PEX5: variants seen among roughly 807,000 people sequenced by gnomAD.
PEX5 encodes PTS1 receptor.
Under a neutral mutation model 82.9 loss-of-function variants are expected in PEX5, and 52 were observed. The observed-to-expected ratio is 0.63, with a 90% CI of 0.50 to 0.79. The LOEUF (loss-of-function observed/expected upper bound fraction) is 0.79. Ranked by LOEUF, PEX5 falls within the 30% of genes least tolerant of loss-of-function variation. The pLI is 0.00. For synonymous variants in PEX5, 300 were observed against 318.8 expected (o/e 0.94, Z 0.63); for missense variants, 719 against 815.2 (o/e 0.88, Z 1.44).
rs1038891242 is a variant in PEX5 at position 7,201,606 on chromosome 12, A to G, written c.552-145A>G. 24 of 712,210 alleles carry G rather than the reference A, an allele frequency of 3.4e-5. No individual in the cohort carries two copies. The Admixed American group carries it at 3.8e-4, about 11-fold the overall frequency. The allele number at this position is 712,210 out of a possible 1,614,324, so 44.1% of individuals were successfully genotyped here. A position where few individuals can be genotyped will look rare whatever the true frequency, so the allele number is the denominator to read the frequency against. ...CACACTCCTGCCCAAATGTCCTTCT[A>G]TAATGCAAATTGGAGTTTGTAGGTT... On this transcript the variant is annotated intron_variant, in intron 6 of 15. Coordinates refer to ENST00000675855, the MANE Select transcript of PEX5 (RefSeq NM_001351132.2).
Position 7,201,330 on chromosome 12 carries a change from C to CAT in PEX5, c.552-419_552-418dup, listed in dbSNP as rs1555178459. On this transcript the variant is annotated intron_variant, in intron 6 of 15. Transcript: ENST00000675855. ...ACATACACATGTATATACATACACA[C>CAT]ATACACGTATATATACATATCAGCT... Among the ~76,000 whole-genome samples, 111 of 16,584 alleles carry CAT rather than the reference C, an allele frequency of 6.7e-3. 2 individuals carry two copies. The highest frequency in any genetic ancestry group is 0.02 in the Admixed American group (18 of 894). 10.9% of individuals were successfully genotyped at this position (16,584 alleles called of 152,430 possible).
intron 9 of PEX5, 130 bp from the exon 10 acceptor site, chr12:7,203,302 C>T: frequency 9.0e-7 from 1 of 1,110,002 alleles, no homozygotes; most frequent in Non-Finnish European, 1.3e-6. Flanking sequence ...TTTTAAAAAA[C>T]TTATTCAGAT....
rs1216196909 is a variant in PEX5, at chr12:7,209,048, C to T, written c.1438C>T (p.Arg480Trp). The change falls in exon 14 of 16, where the codon CGG (arginine) becomes TGG (tryptophan). Residue 480 changes from arginine (R) to tryptophan (W), a missense_variant. Arg to Trp is a moderately radical substitution (Grantham distance 101). Coordinates refer to ENST00000675855, the MANE Select transcript of PEX5 (RefSeq NM_001351132.2). ...GAAAGAGCTCTTCCTGGCAGCTGTG[C>T]GGCTGGACCCTACCTCCATTGACCC... is the stretch of plus-strand genomic sequence containing the variant. ...EVKELFLAAV[R>W]LDPTSIDPDV... 2.0e-5 allele frequency: 32 copies of T among 1,613,914 alleles called. No homozygotes were observed. Among genetic ancestry groups the T allele is most frequent in the South Asian group, 1.2e-4 (11 of 91,076 alleles).
intron 5 of PEX5, among the ~76,000 whole-genome samples, chr12:7,196,085 TTTC>T (rs1942035620): frequency 1.4e-5 from 2 of 140,688 alleles, no homozygotes; most frequent in Admixed American, 7.3e-5. Flanking sequence ...ATATAATGTA[TTTC>T]TTATGTTATA....
chr12:7,189,951 T>C, intron 1 of PEX5: 1 of 1,490,744 alleles, frequency 6.7e-7, no homozygotes, highest in South Asian at 1.3e-5. Flanking sequence ...TCTGCCGTGC[T>C]CACCGCGTGC....
At position 7,210,479 on chromosome 12, in the gene PEX5, T is replaced by A. The variant is rs1168414292; in HGVS notation, c.*256T>A. 1.7e-6 allele frequency: 1 copy of A among 576,692 alleles called. No homozygotes were observed. Among genetic ancestry groups the A allele is most frequent in the Non-Finnish European group, 3.1e-6 (1 of 320,966 alleles). 35.7% of individuals were successfully genotyped at this position (576,692 alleles called of 1,614,324 possible). A position where few individuals can be genotyped will look rare whatever the true frequency, so the allele number is the denominator to read the frequency against. ...ATCCAGCTACAGATCTCTCTGCTCA[T>A]CATGCCCTTTCTTGGTGCTGCTTTT... On this transcript the variant is annotated 3_prime_UTR_variant, in exon 16 of 16. Transcript: ENST00000675855.
At chr12:7,208,142 G>T in intron 12 of PEX5, 62 bp downstream of exon 12, 1 of 1,237,924 alleles carries the variant, frequency 8.1e-7, no homozygotes, top group South Asian at 1.2e-5. Context: ...CCTTTTGAAT[G>T]ACAGAAGCCC....
rs756565648 is a variant in PEX5 at position 7,207,689 on chromosome 12, C to T, written c.997C>T (p.Arg333Cys). The part of the protein sequence containing the change: ...GYQFEEENPL[R>C]DHPQPFEEGL... ...CCAGTTTGAGGAGGAGAACCCCTTG[C>T]GTGATCACCCTCAGCCTTTTGAAGA... The change falls in exon 11 of 16, where the codon CGT (arginine) becomes TGT (cysteine). Residue 333 changes from arginine (R) to cysteine (C), a missense_variant. Physicochemically the swap from Arg to Cys is radical, Grantham distance 180. Transcript: ENST00000675855. 8.7e-6 allele frequency: 14 copies of T among 1,613,952 alleles called. No homozygotes were observed. The highest frequency in any genetic ancestry group is 3.3e-5 in the South Asian group (3 of 91,090).
At chr12:7,215,656 C>T (rs1945756147), downstream of PEX5, among the ~76,000 whole-genome samples, 3 of 152,126 alleles carry the variant, frequency 2.0e-5, no homozygotes, top group Non-Finnish European at 2.9e-5. Flanking sequence ...AACCAAATAC[C>T]ACAGATTCTC....
At chr12:7,211,835 G>A (rs754607007), downstream of PEX5, among the ~76,000 whole-genome samples, 47 of 151,950 alleles carry the variant, frequency 3.1e-4, no homozygotes, top group Non-Finnish European at 5.6e-4. Flanking sequence ...TGCCTTTATC[G>A]GGAACTGTAT....
At chr12:7,196,208 A>G in intron 5 of PEX5, among the ~76,000 whole-genome samples, 1 of 133,444 alleles carries the variant, frequency 7.5e-6, no homozygotes, top group Admixed American at 8.0e-5. Flanking sequence ...TATGTTATGT[A>G]ATAATTATAT....
intron 6 of PEX5, among the ~76,000 whole-genome samples, chr12:7,200,838 C>T (rs1163059041): frequency 3.3e-5 from 5 of 152,260 alleles, no homozygotes; most frequent in Middle Eastern, 3.4e-3. Flanking sequence ...GAGATGGCAG[C>T]AGTACAGTCC....
chr12:7,209,050 G>C lies in PEX5; in HGVS notation c.1440G>C (p.Arg480=). The C allele has an allele frequency of 1.2e-6, 2 of 1,614,114 alleles. No individual in the cohort carries two copies. Among genetic ancestry groups the C allele is most frequent in the South Asian group, 2.2e-5 (2 of 91,072 alleles). The part of the protein sequence containing the change: ...EVKELFLAAV[R]LDPTSIDPDV... ...AAGAGCTCTTCCTGGCAGCTGTGCG[G>C]CTGGACCCTACCTCCATTGACCCTG... is the stretch of plus-strand genomic sequence containing the variant. The change falls in exon 14 of 16, where the codon CGG becomes CGC. Residue 480 remains arginine (R), a synonymous_variant. Transcript: ENST00000675855.
intron 5 of PEX5, among the ~76,000 whole-genome samples, chr12:7,192,411 TA>T (rs1941321638): frequency 6.6e-6 from 1 of 152,316 alleles, no homozygotes; most frequent in African/African-American, 2.4e-5. Flanking sequence ...GCCTGCAATT[TA>T]TCTTCTTTCT....
chr12:7,211,823 C>A (rs1945594465), downstream of PEX5, among the ~76,000 whole-genome samples: 2 of 152,044 alleles, frequency 1.3e-5, no homozygotes, highest in Non-Finnish European at 2.9e-5. Flanking sequence ...TCTGGCTCTG[C>A]CTGCCTTTAT....
At chr12:7,211,835 G>C (rs754607007), downstream of PEX5, among the ~76,000 whole-genome samples, 1 of 152,066 alleles carries the variant, frequency 6.6e-6, no homozygotes. Context: ...TGCCTTTATC[G>C]GGAACTGTAT....
intron 13 of PEX5, 51 bp downstream of exon 13, chr12:7,208,720 G>A: frequency 1.4e-6 from 2 of 1,473,650 alleles, no homozygotes; most frequent in Non-Finnish European, 1.9e-6. Context: ...CTAAGTCCCA[G>A]TAGGAGGGTG....
At chr12:7,212,491 CAAAAAACA>C (rs1945646712), downstream of PEX5, among the ~76,000 whole-genome samples, 1 of 55,048 alleles carries the variant, frequency 1.8e-5, no homozygotes, top group Non-Finnish European at 4.3e-5. Context: ...AAAAAAAACC[CAAAAAACA>C]AAAAAAACAG....
intron 4 of PEX5, 83 bp from the exon 5 acceptor site, chr12:7,191,486 T>C: frequency 1.3e-6 from 2 of 1,598,838 alleles, no homozygotes; most frequent in South Asian, 2.2e-5. Context: ...AACAGAGTGT[T>C]TTCACGTGGA....
Sources: gnomAD v4.1 joint callset for allele counts (sites outside exome capture counted in the v4.1 genomes callset) on GRCh38, gnomAD v4.1.1 for gene constraint, MANE v1.5 for transcripts, NCBI Gene and HGNC (gene_info 2026-07-23, HGNC 2026-07-21) for gene names.